Variants in ANK3 observed in about 807,000 individuals in gnomAD.
ANK3 encodes ankyrin 3, also known as ankyrin-3.
ANK3 carries 57 observed loss-of-function variants against 370.9 expected under a neutral mutation model. That is an observed-to-expected ratio of 0.15 (90% CI 0.12 to 0.19). ANK3 has a LOEUF of 0.19. ANK3 is among the 10% of genes least tolerant of loss of function. ANK3 has a pLI of 1.00. For synonymous variants in ANK3, 1,929 were observed against 1,946.3 expected (o/e 0.99, Z 0.23); for missense variants, 4,439 against 5,302.1 (o/e 0.84, Z 5.06).
chr10:60,557,911 G>A (rs1246997499), intron 2 of ANK3, among the ~76,000 whole-genome samples: 1 of 152,162 alleles, frequency 6.6e-6, no homozygotes, highest in Non-Finnish European at 1.5e-5. Flanking sequence ...TACTTGAAAA[G>A]ATTAGGAAAC....
chr10:60,513,248 G>C (rs11598786), intron 2 of ANK3, among the ~76,000 whole-genome samples: 2 of 152,094 alleles, frequency 1.3e-5, no homozygotes, highest in Admixed American at 1.3e-4. Flanking sequence ...GACACATCTA[G>C]GTGTGAGTAG....
intron 1 of ANK3, among the ~76,000 whole-genome samples, chr10:60,731,783 C>T (rs2080025883): frequency 1.3e-5 from 2 of 152,188 alleles, no homozygotes; most frequent in African/African-American, 2.4e-5. Context: ...AGCCTACCTG[C>T]CCTGACCTAC....
intron 25 of ANK3, among the ~76,000 whole-genome samples, chr10:60,116,350 A>G (rs182190847): frequency 6.6e-6 from 1 of 152,290 alleles, no homozygotes; most frequent in African/African-American, 2.4e-5. Context: ...TTCAGTGGAA[A>G]TCATGGATAA....
chr10:60,368,302 T>C (rs2059659543), intron 1 of ANK3, among the ~76,000 whole-genome samples: 3 of 151,990 alleles, frequency 2.0e-5, no homozygotes, highest in Admixed American at 1.3e-4. Context: ...GAGATCCAAA[T>C]GACGGAGCTT....
chr10:60,550,101 A>G (rs1427847902), intron 2 of ANK3, among the ~76,000 whole-genome samples: 1 of 152,094 alleles, frequency 6.6e-6, no homozygotes, highest in Admixed American at 6.6e-5. Context: ...TATGAAAATT[A>G]TTGAAACTAA....
Position 60,028,169 on chromosome 10 carries a change from G to T in ANK3, c.*1677C>A, listed in dbSNP as rs147016684. The T allele has an allele frequency of 6.1e-4, 93 of 152,318 alleles. 1 individual carries two copies. Among genetic ancestry groups the T allele is most frequent in the African/African-American group, 2.2e-3 (90 of 41,576 alleles). The allele number at this position is 152,318 out of a possible 1,614,324, so 9.4% of individuals were successfully genotyped here. On this transcript the variant is annotated 3_prime_UTR_variant, in exon 44 of 44. Transcript: ENST00000280772. ...TTCACTTTTCAAGAAGGCCTGAACA[G>T]ATGTGGGCAAAGCTTACTTGTCAAT...
chr10:60,138,662 C>T lies in ANK3; in HGVS notation c.2738+302G>A, dbSNP rs1565253747. ...CAAAACTTAATTTTGAAATATGTGA[C>T]TCAGATTGGTTCTCCCAGTTTTGTC... is the stretch of plus-strand genomic sequence containing the variant. On this transcript the variant is annotated intron_variant, in intron 24 of 43. Coordinates refer to ENST00000280772, the MANE Select transcript of ANK3 (RefSeq NM_020987.5). 6.4e-6 allele frequency: 3 copies of T among 467,184 alleles called. No individual in the cohort carries two copies. The East Asian group carries it at 1.0e-4, about 16-fold the overall frequency. The allele number at this position is 467,184 out of a possible 1,614,324, so 28.9% of individuals were successfully genotyped here.
chr10:60,227,963 A>C (rs1049849015), intron 8 of ANK3, among the ~76,000 whole-genome samples: 1 of 152,124 alleles, frequency 6.6e-6, no homozygotes, highest in African/African-American at 2.4e-5. Flanking sequence ...GGTATTATGT[A>C]TGATATGTTA....
intron 23 of ANK3, among the ~76,000 whole-genome samples, chr10:60,141,559 C>CTGTTTTTTGTTTTT (rs2094556483): frequency 6.5e-4 from 40 of 61,154 alleles, no homozygotes; most frequent in African/African-American, 3.1e-3. Context: ...ATTTCAATTG[C>CTGTTTTTTGTTTTT]TGTTTTTTTT....
intron 4 of ANK3, among the ~76,000 whole-genome samples, chr10:60,276,057 G>A (rs999671540): frequency 6.6e-6 from 1 of 152,132 alleles, no homozygotes; most frequent in Non-Finnish European, 1.5e-5. Flanking sequence ...CTAAAAGAAA[G>A]AGTTAACTTG....
At chr10:60,113,461 C>A (rs1288401887) in intron 26 of ANK3, among the ~76,000 whole-genome samples, 8 of 152,178 alleles carry the variant, frequency 5.3e-5, no homozygotes, top group African/African-American at 1.9e-4. Flanking sequence ...GTAATCCCAG[C>A]AGTTTGGGAG....
At chr10:60,169,268 G>T (rs1276053250) in intron 21 of ANK3, among the ~76,000 whole-genome samples, 6 of 151,464 alleles carry the variant, frequency 4.0e-5, no homozygotes, top group Non-Finnish European at 5.9e-5. Context: ...TCTCATTGTG[G>T]TCTTGATTTG....
At chr10:60,530,793 G>A (rs145397197) in intron 2 of ANK3, among the ~76,000 whole-genome samples, 68 of 152,180 alleles carry the variant, frequency 4.5e-4, no homozygotes, top group East Asian at 2.1e-3. Context: ...TCTCAGAGCC[G>A]GATGCTGTTT....
intron 1 of ANK3, among the ~76,000 whole-genome samples, chr10:60,699,178 TG>T (rs1184195414): frequency 1.3e-5 from 2 of 151,866 alleles, no homozygotes; most frequent in East Asian, 3.9e-4. Context: ...GGGTGCAGTG[TG>T]TACTGCTCGG....
Position 60,140,268 on chromosome 10 carries a change from TA to T in ANK3, c.2615-1182del. ...CCCAGTACCAAGAGATTATTTTAAG[TA>T]ACTATTTACGGCTGGGCTATTTGCA... On this transcript the variant is annotated intron_variant, in intron 23 of 43. Coordinates refer to ENST00000280772, the MANE Select transcript of ANK3 (RefSeq NM_020987.5). 2.2e-6 allele frequency: 3 copies of T among 1,387,614 alleles called. No homozygotes were observed. In the South Asian group the frequency reaches 3.5e-5, roughly 16 times the overall value. 86.0% of individuals were successfully genotyped at this position (1,387,614 alleles called of 1,614,324 possible). A position where few individuals can be genotyped will look rare whatever the true frequency, so the allele number is the denominator to read the frequency against.
chr10:60,371,307 C>T (rs1426347338), intron 1 of ANK3, among the ~76,000 whole-genome samples: 1 of 152,128 alleles, frequency 6.6e-6, no homozygotes, highest in Non-Finnish European at 1.5e-5. Flanking sequence ...ATCAAAACCA[C>T]AATGAGGTCC....
At chr10:60,523,031 C>A (rs550051168) in intron 2 of ANK3, among the ~76,000 whole-genome samples, 1 of 152,046 alleles carries the variant, frequency 6.6e-6, no homozygotes, top group South Asian at 2.1e-4. Context: ...GAACACACCT[C>A]TAGAGAATTA....
intron 42 of ANK3, chr10:60,051,378 T>C: frequency 1.9e-6 from 1 of 514,906 alleles, no homozygotes; most frequent in Non-Finnish European, 2.5e-6. Context: ...TCAAGCATGC[T>C]GAAATTTCAC....
chr10:60,063,352 C>T (rs538885638), intron 39 of ANK3, 98 bp from the exon 40 acceptor site: 1 of 1,178,960 alleles, frequency 8.5e-7, no homozygotes, highest in East Asian at 2.6e-5. Flanking sequence ...GCCCTGCTGA[C>T]ATTTTAGCTC....
Sources: gnomAD v4.1 joint callset for allele counts (sites outside exome capture counted in the v4.1 genomes callset) on GRCh38, gnomAD v4.1.1 for gene constraint, MANE v1.5 for transcripts, NCBI Gene and HGNC (gene_info 2026-07-23, HGNC 2026-07-21) for gene names.